SLC5A4: variants seen among roughly 807,000 people sequenced by gnomAD.
The protein encoded by SLC5A4 is probable glucose sensor protein SLC5A4.
In SLC5A4, 55 loss-of-function variants were observed where a neutral mutation model predicts 70.3. The ratio of observed to expected loss-of-function variants is 0.78; its 90% CI spans 0.63 to 0.98. The LOEUF (loss-of-function observed/expected upper bound fraction) is 0.98. Ranked by LOEUF, SLC5A4 falls within the 50% of genes least tolerant of loss-of-function variation. The probability of loss-of-function intolerance (pLI) is 0.00; values close to 1 mark genes in which losing one functional copy is unlikely to be tolerated. For missense variants in SLC5A4, 735 were observed against 839.2 expected (o/e 0.88, Z 1.53); for synonymous variants, 268 against 305.7 (o/e 0.88, Z 1.29).
chr22:32,318,281 G>A, the SLC5A4 span, among the ~76,000 whole-genome samples: 1 of 151,476 alleles, frequency 6.6e-6, no homozygotes, highest in Middle Eastern at 3.2e-3. Context: ...CACCCAGGCT[G>A]GAGATACGCT....
the SLC5A4 span, among the ~76,000 whole-genome samples, chr22:32,329,962 TG>T: frequency 2.0e-4 from 4 of 20,288 alleles, no homozygotes; most frequent in Admixed American, 6.4e-4. Context: ...GTGTGTGTGT[TG>T]GGAGGCTCTG....
chr22:32,311,657 C>A, the SLC5A4 span, among the ~76,000 whole-genome samples: 1 of 152,174 alleles, frequency 6.6e-6, no homozygotes, highest in Non-Finnish European at 1.5e-5. Flanking sequence ...TCTGTGTCTC[C>A]CACCAGATGG....
chr22:32,230,844 G>A, intron 10 of SLC5A4, 124 bp downstream of exon 10: 1 of 647,338 alleles, frequency 1.5e-6, no homozygotes, highest in Non-Finnish European at 2.8e-6. Flanking sequence ...TGTAGAAGGT[G>A]CTCAAGAAAT....
At chr22:32,341,237 G>C in the SLC5A4 span, among the ~76,000 whole-genome samples, 1 of 152,026 alleles carries the variant, frequency 6.6e-6, no homozygotes, top group Non-Finnish European at 1.5e-5. Flanking sequence ...CTGGGTGGGG[G>C]TCCCCAGGGA....
chr22:32,218,768 C>T (rs1184604053), intron 14 of SLC5A4, 43 bp from the exon 15 acceptor site: 1 of 1,441,588 alleles, frequency 6.9e-7, no homozygotes, highest in South Asian at 1.2e-5. Context: ...ATCTAGATCA[C>T]AAAGGAACTA....
the SLC5A4 span, among the ~76,000 whole-genome samples, chr22:32,335,506 G>A: frequency 2.0e-5 from 3 of 152,192 alleles, no homozygotes; most frequent in Admixed American, 6.5e-5. Context: ...AGCGGAGTAC[G>A]GAGCTAGGCC....
chr22:32,321,468 C>G, the SLC5A4 span, among the ~76,000 whole-genome samples: 2 of 152,160 alleles, frequency 1.3e-5, no homozygotes, highest in African/African-American at 2.4e-5. Flanking sequence ...GAACACAAAT[C>G]TTTTAAGTTC....
chr22:32,331,256 A>G, the SLC5A4 span, among the ~76,000 whole-genome samples: 1 of 151,206 alleles, frequency 6.6e-6, no homozygotes. Flanking sequence ...ACCAAGGCAC[A>G]TTGTAGGTGC....
At chr22:32,314,194 T>C in the SLC5A4 span, among the ~76,000 whole-genome samples, 5 of 152,204 alleles carry the variant, frequency 3.3e-5, no homozygotes, top group African/African-American at 1.2e-4. Context: ...TCTCCTCAGC[T>C]TCACAGAACA....
At chr22:32,332,998 A>G in the SLC5A4 span, among the ~76,000 whole-genome samples, 1 of 152,194 alleles carries the variant, frequency 6.6e-6, no homozygotes, top group Non-Finnish European at 1.5e-5. Context: ...CAGCATCTCC[A>G]TTAGCCAGAT....
the SLC5A4 span, among the ~76,000 whole-genome samples, chr22:32,328,097 A>ACACACACACACACACAC: frequency 1.8e-5 from 2 of 108,734 alleles, no homozygotes; most frequent in South Asian, 3.4e-4. Context: ...CCAACACACA[A>ACACACACACACACACAC]ACACACACAC....
the SLC5A4 span, among the ~76,000 whole-genome samples, chr22:32,283,797 G>A: frequency 3.3e-5 from 5 of 152,126 alleles, no homozygotes; most frequent in Non-Finnish European, 5.9e-5. Context: ...GCATTTAACA[G>A]CTAACTCACA....
the SLC5A4 span, among the ~76,000 whole-genome samples, chr22:32,292,604 CTA>C: frequency 4.6e-5 from 7 of 150,552 alleles, no homozygotes; most frequent in African/African-American, 1.5e-4. Flanking sequence ...TAGAAAATTC[CTA>C]TATATATATA....
chr22:32,326,916 G>C, the SLC5A4 span, among the ~76,000 whole-genome samples: 1 of 152,168 alleles, frequency 6.6e-6, no homozygotes, highest in Non-Finnish European at 1.5e-5. Flanking sequence ...AGGAATGTGG[G>C]TGCCTCTGGG....
chr22:32,353,094 G>A, the SLC5A4 span, among the ~76,000 whole-genome samples: 1 of 152,198 alleles, frequency 6.6e-6, no homozygotes, highest in African/African-American at 2.4e-5. Context: ...GCCGGTTTCA[G>A]CGAAGGCACT....
the SLC5A4 span, chr22:32,271,747 T>TC: frequency 1.7e-6 from 1 of 586,184 alleles, no homozygotes; most frequent in Non-Finnish European, 3.2e-6. Flanking sequence ...ATGTCAACTG[T>TC]CCCCGCGGCT....
chr22:32,306,014 G>A, the SLC5A4 span, among the ~76,000 whole-genome samples: 1 of 152,060 alleles, frequency 6.6e-6, no homozygotes, highest in Admixed American at 6.6e-5. Context: ...CCTTGGCTGG[G>A]ACCCCAGTCC....
At chr22:32,282,662 C>T in the SLC5A4 span, among the ~76,000 whole-genome samples, 3 of 152,328 alleles carry the variant, frequency 2.0e-5, no homozygotes, top group South Asian at 2.1e-4. Flanking sequence ...AGGTTTTCAA[C>T]GTGGATGTCA....
At chr22:32,256,241 A>T (rs562019195), upstream of SLC5A4, among the ~76,000 whole-genome samples, 1 of 152,206 alleles carries the variant, frequency 6.6e-6, no homozygotes, top group Admixed American at 6.5e-5. Flanking sequence ...CTGGGAGGTC[A>T]AAGCTATAGT....
Sources: allele counts gnomAD v4.1 joint callset (sites outside exome capture counted in the v4.1 genomes callset), GRCh38; gene constraint gnomAD v4.1.1; transcripts MANE v1.5; gene names NCBI Gene and HGNC (gene_info 2026-07-23, HGNC 2026-07-21).